BRSK1: variants seen among roughly 807,000 people sequenced by gnomAD.
The protein encoded by BRSK1 is BR serine/threonine kinase 1, also known as serine/threonine-protein kinase BRSK1.
BRSK1 carries 17 observed loss-of-function variants against 86.2 expected under a neutral mutation model. The observed-to-expected ratio is 0.20, with a 90% CI of 0.14 to 0.30. The LOEUF (loss-of-function observed/expected upper bound fraction) is 0.30. BRSK1 is among the 10% of genes least tolerant of loss of function. BRSK1 has a pLI of 1.00. For synonymous variants in BRSK1, 464 were observed against 440.1 expected (o/e 1.05, Z -0.68); for missense variants, 719 against 1,071.9 (o/e 0.67, Z 4.60).
intron 3 of BRSK1, among the ~76,000 whole-genome samples, chr19:55,288,312 C>CA (rs2088351367): frequency 6.6e-6 from 1 of 151,692 alleles, no homozygotes; most frequent in Admixed American, 6.6e-5. Flanking sequence ...CCCGTCTCTA[C>CA]AAAAAATACA....
chr19:55,284,315 AC>A lies in BRSK1; in HGVS notation c.-123del. 4 of 756,502 alleles carry A rather than the reference AC, an allele frequency of 5.3e-6. No homozygotes were observed. Among genetic ancestry groups the A allele is most frequent in the Non-Finnish European group, 7.2e-6 (4 of 559,344 alleles). 46.9% of individuals were successfully genotyped at this position (756,502 alleles called of 1,614,324 possible). ...GGGGGGCCAGCCCAGCCCCCTGGGG[AC>A]CCCCGGAGAGGTGGGGGGCAGCCGG... On this transcript the variant is annotated 5_prime_UTR_variant, in exon 1 of 19. Transcript: ENST00000309383.
At position 55,306,402 on chromosome 19, in the gene BRSK1, G is replaced by A. The variant is rs758768411; in HGVS notation, c.2041G>A (p.Gly681Ser). 18 of 1,613,752 alleles carry A rather than the reference G, an allele frequency of 1.1e-5. No homozygotes were observed. In the African/African-American group the frequency reaches 1.2e-4, roughly 11 times the overall value. The change falls in exon 17 of 19, where the codon GGC (glycine) becomes AGC (serine). Residue 681 changes from glycine (G) to serine (S), a missense_variant. Physicochemically the swap from Gly to Ser is moderately conservative, Grantham distance 56 (BLOSUM62 0). Transcript: ENST00000309383. The surrounding 1 kb of genome is among the most constrained non-coding windows in gnomAD (Gnocchi z 4.7). ...TCCAGAGCCCTCCCCGCGACGGGACGGCAGCGGAGGTGGTGGCATCTACTC... is the reference window on the plus strand; with the variant it reads ...TCCAGAGCCCTCCCCGCGACGGGACAGCAGCGGAGGTGGTGGCATCTACTC... ...EGPEPSPRRD[G>S]SGGGGIYSVT...
chr19:55,305,710 A>G (rs2088640337), intron 16 of BRSK1, 124 bp downstream of exon 16: 4 of 1,455,818 alleles, frequency 2.7e-6, no homozygotes, highest in African/African-American at 1.4e-5. Context: ...TTGTAGTTTT[A>G]TGGCCAGAGT....
rs1245630738 is a variant in BRSK1 at position 55,284,086 on chromosome 19, G to A, written c.-357G>A. The A allele has an allele frequency of 5.2e-6, 4 of 770,306 alleles. No individual in the cohort carries two copies. Among genetic ancestry groups the A allele is most frequent in the Non-Finnish European group, 7.1e-6 (4 of 566,188 alleles). The allele number at this position is 770,306 out of a possible 1,614,324, so 47.7% of individuals were successfully genotyped here. On this transcript the variant is annotated 5_prime_UTR_variant, in exon 1 of 19. Transcript: ENST00000309383. ...GAGGCGGAGGAGAGAGGGCGCGTGG[G>A]GGGGCGGGGGGGACCTCGGCCTGCA...
chr19:55,289,436 T>C (rs1296492524), intron 3 of BRSK1, 44 bp from the exon 4 acceptor site: 5 of 1,574,640 alleles, frequency 3.2e-6, no homozygotes, highest in Admixed American at 3.9e-5. Context: ...CCTTTGGTCC[T>C]CCACATGCCC....
chr19:55,284,655 A>G, intron 1 of BRSK1, 77 bp downstream of exon 1: 4 of 1,206,910 alleles, frequency 3.3e-6, no homozygotes, highest in Non-Finnish European at 4.2e-6. Context: ...CAGGGTATTC[A>G]AATGGCAGGG....
chr19:55,303,948 C>T lies in BRSK1; in HGVS notation c.1287-102C>T, dbSNP rs1236266292. The stretch of plus-strand genomic sequence containing the variant: ...GGACAATTCACCTCCCCTCTCTGGG[C>T]CTCATTTCCTCACCTGGAAGGACTG... On this transcript the variant is annotated intron_variant, in intron 12 of 18. Coordinates refer to ENST00000309383, the MANE Select transcript of BRSK1 (RefSeq NM_032430.2). The surrounding 1 kb of genome is among the most constrained non-coding windows in gnomAD (Gnocchi z 5.1). The T allele has an allele frequency of 6.7e-7, 1 of 1,502,274 alleles. No homozygotes were observed. The allele number at this position is 1,502,274 out of a possible 1,614,324, so 93.1% of individuals were successfully genotyped here. A position where few individuals can be genotyped will look rare whatever the true frequency, so the allele number is the denominator to read the frequency against.
Position 55,303,368 on chromosome 19 carries a change from C to A in BRSK1, c.1086C>A (p.Pro362=), listed in dbSNP as rs531042667. 6.2e-7 allele frequency: 1 copy of A among 1,613,980 alleles called. No individual in the cohort carries two copies. Among genetic ancestry groups the A allele is most frequent in the African/African-American group, 1.3e-5 (1 of 74,996 alleles). The change falls in exon 11 of 19, where the codon CCC becomes CCA. Residue 362 remains proline (P), a synonymous_variant. Transcript: ENST00000309383. The surrounding 1 kb of genome is among the most constrained non-coding windows in gnomAD (Gnocchi z 5.1). ...YLLLDRKERY[P]SCEDQDLPPR... Reference sequence around the variant, plus strand: ...TTTTGGATCGGAAGGAGCGGTATCCCAGCTGTGAGGACCAGGACCTGCCTC... The same window carrying A: ...TTTTGGATCGGAAGGAGCGGTATCCAAGCTGTGAGGACCAGGACCTGCCTC...
chr19:55,287,311 T>C lies in BRSK1; in HGVS notation c.317+12T>C. The C allele has an allele frequency of 1.2e-6, 2 of 1,613,054 alleles. No homozygotes were observed. The highest frequency in any genetic ancestry group is 1.7e-6 in the Non-Finnish European group (2 of 1,179,066). On this transcript the variant is annotated intron_variant, in intron 3 of 18. Coordinates refer to ENST00000309383, the MANE Select transcript of BRSK1 (RefSeq NM_032430.2). This position sits in a 1 kb window ranked among gnomAD's most constrained non-coding sequence, Gnocchi z 5.3. The stretch of plus-strand genomic sequence containing the variant: ...AACAAGAAATATTTGTAGGTATTTA[T>C]AGACACCCAGCCCTACCCCATCCTC...
chr19:55,290,695 G>A lies in BRSK1; in HGVS notation c.458+1075G>A, dbSNP rs2088391443. Among the ~76,000 whole-genome samples, 3 of 150,946 alleles carry A rather than the reference G, an allele frequency of 2.0e-5. No homozygotes were observed. In the South Asian group the frequency reaches 6.3e-4, roughly 31 times the overall value. On this transcript the variant is annotated intron_variant, in intron 4 of 18. Coordinates refer to ENST00000309383, the MANE Select transcript of BRSK1 (RefSeq NM_032430.2). ...CTTGCTCTGTCACCCAGGCTGGAGT[G>A]CAGTGGCGCGATCTCGGCTCACTGC...
At position 55,294,070 on chromosome 19, in the gene BRSK1, G is replaced by A. The variant is rs767893782; in HGVS notation, c.512G>A (p.Arg171His). The change falls in exon 5 of 19, where the codon CGC becomes CAC. Residue 171 changes from arginine (R) to histidine (H), a missense_variant. Around this residue, in one of 6 missense-constraint regions of BRSK1, gnomAD observed 75 missense variants for 281.0 expected, o/e 0.27. Transcript: ENST00000309383. This position sits in a 1 kb window ranked among gnomAD's most constrained non-coding sequence, Gnocchi z 4.9. ...NLLLDEKNNIRIADFGMASLQ... is the reference protein window; with the variant it reads ...NLLLDEKNNIHIADFGMASLQ... ...CTTTTGGATGAGAAAAACAACATCCGCATTGCAGACTTCGGCATGGCGTCC... is the reference window on the plus strand; with the variant it reads ...CTTTTGGATGAGAAAAACAACATCCACATTGCAGACTTCGGCATGGCGTCC... 1.9e-6 allele frequency: 3 copies of A among 1,613,978 alleles called. No homozygotes were observed. Among genetic ancestry groups the A allele is most frequent in the East Asian group, 2.2e-5 (1 of 44,878 alleles).
In BRSK1 at chr19:55,304,018, ATTTT is replaced by A; in HGVS notation, c.1287-23_1287-20del. 1.6e-6 allele frequency: 2 copies of A among 1,229,096 alleles called. No individual in the cohort carries two copies. Among genetic ancestry groups the A allele is most frequent in the Non-Finnish European group, 2.2e-6 (2 of 890,954 alleles). The allele number at this position is 1,229,096 out of a possible 1,614,324, so 76.1% of individuals were successfully genotyped here. A position where few individuals can be genotyped will look rare whatever the true frequency, so the allele number is the denominator to read the frequency against. On this transcript the variant is annotated intron_variant, in intron 12 of 18. Coordinates refer to ENST00000309383, the MANE Select transcript of BRSK1 (RefSeq NM_032430.2). This position sits in a 1 kb window ranked among gnomAD's most constrained non-coding sequence, Gnocchi z 5.2. Reference sequence around the variant, plus strand: ...GTGGTTTTTGAAACCCTCCCATCTGATTTTTTTTTTTTAAATCTATCCTGGAAAC... The same window carrying A: ...GTGGTTTTTGAAACCCTCCCATCTGATTTTTTTTAAATCTATCCTGGAAAC...
At chr19:55,301,426 G>A (rs1568985741) in intron 7 of BRSK1, 86 bp from the exon 8 acceptor site, 11 of 1,498,938 alleles carry the variant, frequency 7.3e-6, no homozygotes, top group Middle Eastern at 1.7e-4. Flanking sequence ...ACCCCTTAAG[G>A]TGGAGATCAC....
intron 7 of BRSK1, among the ~76,000 whole-genome samples, chr19:55,296,277 A>G (rs1035325688): frequency 2.0e-5 from 3 of 151,258 alleles, no homozygotes; most frequent in African/African-American, 7.3e-5. Flanking sequence ...TGTATCATCA[A>G]CTCCCTGAGG....
intron 7 of BRSK1, among the ~76,000 whole-genome samples, chr19:55,300,036 G>C (rs2088548249): frequency 6.6e-6 from 1 of 152,100 alleles, no homozygotes; most frequent in African/African-American, 2.4e-5. Flanking sequence ...CGTATGATAC[G>C]TTCGCTTGTT....
chr19:55,289,221 A>T (rs1318236548), intron 3 of BRSK1, among the ~76,000 whole-genome samples: 1 of 151,952 alleles, frequency 6.6e-6, no homozygotes. Context: ...ATGGGACTTG[A>T]GTTTGGTTTC....
chr19:55,284,586 T>G lies in BRSK1; in HGVS notation c.136+8T>G. 9.0e-7 allele frequency: 1 copy of G among 1,113,234 alleles called. No individual in the cohort carries two copies. Among genetic ancestry groups the G allele is most frequent in the Non-Finnish European group, 1.1e-6 (1 of 897,438 alleles). 69.0% of individuals were successfully genotyped at this position (1,113,234 alleles called of 1,614,324 possible). A position where few individuals can be genotyped will look rare whatever the true frequency, so the allele number is the denominator to read the frequency against. On this transcript the variant is annotated splice_region_variant and intron_variant, in intron 1 of 18. Transcript: ENST00000309383. ...TGGGCAAAGGACAGACAGGTGAGCC[T>G]AGCAGAAGGGGACACCTGGGGCGGG...
chr19:55,304,806 ACAC>A lies in BRSK1; in HGVS notation c.1608_1610del (p.Pro538del). ...CAGTCCCACCGGGACCCCGGGGACAACACCACCCCCCAGCCCCGGCGGTGGCGT... is the reference window on the plus strand; with the variant it reads ...CAGTCCCACCGGGACCCCGGGGACAACACCCCCCAGCCCCGGCGGTGGCGT... On this transcript the variant is annotated inframe_deletion, in exon 14 of 19. Coordinates refer to ENST00000309383, the MANE Select transcript of BRSK1 (RefSeq NM_032430.2). The surrounding 1 kb of genome is among the most constrained non-coding windows in gnomAD (Gnocchi z 5.2). 3 of 1,575,584 alleles carry A rather than the reference ACAC, an allele frequency of 1.9e-6. No individual in the cohort carries two copies. The highest frequency in any genetic ancestry group is 2.6e-6 in the Non-Finnish European group (3 of 1,164,430).
At position 55,287,205 on chromosome 19, in the gene BRSK1, G is replaced by A. The variant is rs1210796046; in HGVS notation, c.232-9G>A. ...CTTTTCCCGTGTCCCCACCCCTCTT[G>A]ACCCTCAGGTGGAGCGGGAGATCGC... On this transcript the variant is annotated splice_polypyrimidine_tract_variant and intron_variant, in intron 2 of 18. Transcript: ENST00000309383. The surrounding 1 kb of genome is among the most constrained non-coding windows in gnomAD (Gnocchi z 5.3). 3 of 1,614,006 alleles carry A rather than the reference G, an allele frequency of 1.9e-6. No individual in the cohort carries two copies. The highest frequency in any genetic ancestry group is 1.7e-6 in the Non-Finnish European group (2 of 1,179,922).
Sources: gnomAD v4.1 joint callset for allele counts (sites outside exome capture counted in the v4.1 genomes callset) on GRCh38, gnomAD v4.1.1 for gene constraint, gnomAD v4.1.1 regional missense constraint, Gnocchi (gnomAD v3.1) non-coding constraint, MANE v1.5 for transcripts, NCBI Gene and HGNC (gene_info 2026-07-23, HGNC 2026-07-21) for gene names.